The following UNC13C variants were observed in gnomAD, a reference collection of about 807,000 sequenced individuals.
UNC13C encodes the protein protein unc-13 homolog C.
In UNC13C, 174 loss-of-function variants were observed where a neutral mutation model predicts 245.4. The ratio of observed to expected loss-of-function variants is 0.71; its 90% CI spans 0.63 to 0.80. The LOEUF (loss-of-function observed/expected upper bound fraction) is 0.80, where lower values mean the gene tolerates loss of function less well. Ranked by LOEUF, UNC13C falls within the 30% of genes least tolerant of loss-of-function variation. The pLI is 0.00. For synonymous variants in UNC13C, 992 were observed against 895.1 expected, an observed-to-expected ratio of 1.11 and a Z score of -1.93; for missense variants, 2,829 against 2,602.9, an observed-to-expected ratio of 1.09 and a Z score of -1.89.
chr15:54,168,343 A>C (rs1381364637), intron 4 of UNC13C, among the ~76,000 whole-genome samples: 1 of 152,156 alleles, frequency 6.6e-6, no homozygotes, highest in Non-Finnish European at 1.5e-5. Flanking sequence ...AATTTCATCG[A>C]GTTTCAACAG....
At chr15:54,288,583 G>A (rs1392356341) in intron 10 of UNC13C, among the ~76,000 whole-genome samples, 3 of 151,840 alleles carry the variant, frequency 2.0e-5, no homozygotes, top group Admixed American at 6.6e-5. Flanking sequence ...AGACACATTG[G>A]CTAAAGTCCA....
intron 4 of UNC13C, among the ~76,000 whole-genome samples, chr15:54,185,559 T>C (rs2033949422): frequency 6.6e-6 from 1 of 150,902 alleles, no homozygotes; most frequent in Non-Finnish European, 1.5e-5. Context: ...TTTGTCAGGT[T>C]TGTCAAAGAT....
At chr15:54,100,649 A>G (rs867859074) in intron 2 of UNC13C, among the ~76,000 whole-genome samples, 2 of 152,236 alleles carry the variant, frequency 1.3e-5, no homozygotes, top group South Asian at 2.1e-4. Flanking sequence ...CCAGTTACCT[A>G]CGTGAGAGGT....
intron 2 of UNC13C, among the ~76,000 whole-genome samples, chr15:54,139,494 A>G (rs2031908905): frequency 6.6e-6 from 1 of 152,200 alleles, no homozygotes; most frequent in Non-Finnish European, 1.5e-5. Flanking sequence ...TTTTCCTGTC[A>G]AAACAGTGTA....
At chr15:54,051,210 T>A (rs1897254761) in intron 2 of UNC13C, among the ~76,000 whole-genome samples, 1 of 152,182 alleles carries the variant, frequency 6.6e-6, no homozygotes, top group Non-Finnish European at 1.5e-5. Flanking sequence ...AAGGAATGGA[T>A]CCAACTTTTT....
intron 2 of UNC13C, among the ~76,000 whole-genome samples, chr15:54,028,960 G>GTAA (rs1194755416): frequency 6.6e-6 from 1 of 152,276 alleles, no homozygotes; most frequent in African/African-American, 2.4e-5. Flanking sequence ...AAACCAGTAA[G>GTAA]TAATCAGTAG....
intron 17 of UNC13C, among the ~76,000 whole-genome samples, chr15:54,338,699 G>C (rs745861254): frequency 1.3e-4 from 19 of 151,972 alleles, no homozygotes; most frequent in Non-Finnish European, 2.5e-4. Context: ...ATCTAGTAAA[G>C]GCACATATTA....
chr15:54,437,270 T>G (rs1890269133), intron 19 of UNC13C, among the ~76,000 whole-genome samples: 3 of 152,004 alleles, frequency 2.0e-5, no homozygotes, highest in Admixed American at 2.0e-4. Flanking sequence ...GCTCATAATA[T>G]TTTAGTCACG....
chr15:54,048,671 T>C (rs796772819), intron 2 of UNC13C: 2 of 340,930 alleles, frequency 5.9e-6, no homozygotes, highest in South Asian at 6.3e-5. Flanking sequence ...CTCACATTGT[T>C]TGCTCCTCAA....
At chr15:54,060,033 A>T (rs1383105313) in intron 2 of UNC13C, among the ~76,000 whole-genome samples, 3 of 152,224 alleles carry the variant, frequency 2.0e-5, no homozygotes, top group Non-Finnish European at 1.5e-5. Context: ...AACCTAGGCA[A>T]TACCATTCAG....
intron 8 of UNC13C, among the ~76,000 whole-genome samples, chr15:54,254,241 T>A (rs1176415140): frequency 6.6e-6 from 1 of 152,226 alleles, no homozygotes; most frequent in African/African-American, 2.4e-5. Flanking sequence ...TGAGCAACTA[T>A]TGTGGGTAGG....
the UNC13C span, among the ~76,000 whole-genome samples, chr15:53,881,399 A>G: frequency 0.013 from 1,942 of 152,312 alleles, 42 homozygotes; most frequent in African/African-American, 0.045. Flanking sequence ...TTGCACTGGG[A>G]TCATTACTTC....
At chr15:54,356,871 A>T (rs2039107309) in intron 17 of UNC13C, among the ~76,000 whole-genome samples, 1 of 152,156 alleles carries the variant, frequency 6.6e-6, no homozygotes, top group Non-Finnish European at 1.5e-5. Context: ...TGATAAGTTT[A>T]AACATATTTG....
intron 4 of UNC13C, among the ~76,000 whole-genome samples, chr15:54,209,961 G>A (rs1231287757): frequency 6.6e-6 from 1 of 151,920 alleles, no homozygotes; most frequent in Non-Finnish European, 1.5e-5. Flanking sequence ...GTAAGACACT[G>A]TTTCATAACT....
chr15:54,157,274 A>G (rs906615654), intron 4 of UNC13C, among the ~76,000 whole-genome samples: 1 of 152,238 alleles, frequency 6.6e-6, no homozygotes, highest in Non-Finnish European at 1.5e-5. Context: ...TAGAAGGCCT[A>G]GTTTTAAATC....
intron 24 of UNC13C, among the ~76,000 whole-genome samples, chr15:54,515,274 T>A (rs1360624503): frequency 2.0e-5 from 3 of 152,158 alleles, no homozygotes; most frequent in Non-Finnish European, 4.4e-5. Context: ...TGCACTACAA[T>A]CCCCATATAA....
rs148255554 is a variant in UNC13C at position 54,614,213 on chromosome 15, A to G, written c.6107-8114A>G. On this transcript the variant is annotated intron_variant, in intron 30 of 32. Coordinates refer to ENST00000260323, the MANE Select transcript of UNC13C (RefSeq NM_001080534.3). ...TTTCTAGTGTTAATATTTTTCTCTC[A>G]TTATTGCTAGTGTCTTATTCTGTTT... 3.3e-5 allele frequency among the ~76,000 whole-genome samples: 5 copies of G among 152,000 alleles called. No homozygotes were observed. In the East Asian group the frequency reaches 9.7e-4, roughly 29 times the overall value.
chr15:53,940,294 C>G, the UNC13C span, among the ~76,000 whole-genome samples: 2 of 152,002 alleles, frequency 1.3e-5, no homozygotes, highest in East Asian at 1.9e-4. Context: ...CCTGAATGAA[C>G]TAGGTATTAA....
chr15:53,888,556 A>G, the UNC13C span, among the ~76,000 whole-genome samples: 1 of 152,192 alleles, frequency 6.6e-6, no homozygotes, highest in African/African-American at 2.4e-5. Flanking sequence ...TAGATTAATT[A>G]GATCCCATTT....
Sources: allele counts gnomAD v4.1 joint callset (sites outside exome capture counted in the v4.1 genomes callset), GRCh38; gene constraint gnomAD v4.1.1; transcripts MANE v1.5; gene names NCBI Gene and HGNC (gene_info 2026-07-23, HGNC 2026-07-21).